The following LSAMP variants were observed in gnomAD, a reference collection of about 807,000 sequenced individuals.
LSAMP encodes the protein limbic system associated membrane protein, also known as limbic system-associated membrane protein.
LSAMP carries 7 observed loss-of-function variants against 38.6 expected under a neutral mutation model. The ratio of observed to expected loss-of-function variants is 0.18; its 90% CI spans 0.10 to 0.34. The LOEUF (loss-of-function observed/expected upper bound fraction) is 0.34. Among genes scored for constraint, LSAMP ranks in the 10% least tolerant of loss-of-function variants. The pLI is 1.00. For missense variants in LSAMP, 313 were observed against 420.0 expected, an observed-to-expected ratio of 0.75 and a Z score of 2.23; for synonymous variants, 154 against 166.8, an observed-to-expected ratio of 0.92 and a Z score of 0.59.
At chr3:116,386,383 C>T (rs2048626938) in intron 1 of LSAMP, among the ~76,000 whole-genome samples, 1 of 152,134 alleles carries the variant, frequency 6.6e-6, no homozygotes, top group Admixed American at 6.5e-5. Context: ...ATTCAAGGTA[C>T]CCCACCATCT....
At chr3:116,173,875 TCA>T (rs1710270937) in intron 1 of LSAMP, among the ~76,000 whole-genome samples, 1 of 151,872 alleles carries the variant, frequency 6.6e-6, no homozygotes, top group Admixed American at 6.6e-5. Context: ...AAGATGCATT[TCA>T]CACAGTTACC....
chr3:116,285,540 T>TC (rs1346276303), intron 1 of LSAMP, among the ~76,000 whole-genome samples: 1 of 91,016 alleles, frequency 1.1e-5, no homozygotes, highest in Non-Finnish European at 1.9e-5. Context: ...GAAATGTGTA[T>TC]TTTTTTTTTT....
intron 1 of LSAMP, among the ~76,000 whole-genome samples, chr3:116,359,826 CT>C (rs1247951537): frequency 6.6e-6 from 1 of 152,028 alleles, no homozygotes; most frequent in Non-Finnish European, 1.5e-5. Flanking sequence ...TCAAAAATAA[CT>C]CAAGATGGAT....
At chr3:115,983,580 G>T (rs1164303480) in intron 3 of LSAMP, among the ~76,000 whole-genome samples, 14 of 151,966 alleles carry the variant, frequency 9.2e-5, no homozygotes, top group Admixed American at 7.9e-4. Flanking sequence ...TCTAGTTTTT[G>T]GTTTTATGTT....
At chr3:116,271,168 T>C (rs2046966987) in intron 1 of LSAMP, among the ~76,000 whole-genome samples, 1 of 152,088 alleles carries the variant, frequency 6.6e-6, no homozygotes, top group South Asian at 2.1e-4. Flanking sequence ...AATTCAGCTA[T>C]TTCATATGCA....
intron 1 of LSAMP, among the ~76,000 whole-genome samples, chr3:116,123,707 A>G (rs1438514085): frequency 6.6e-6 from 1 of 152,202 alleles, no homozygotes; most frequent in East Asian, 1.9e-4. Flanking sequence ...TTAAGAAGTC[A>G]CTATCTGCTT....
In LSAMP at chr3:116,251,796, C is replaced by A. The variant is rs150794234; in HGVS notation, c.156-165240G>T. Among the ~76,000 whole-genome samples the A allele has an allele frequency of 6.0e-3, 919 of 152,224 alleles. 5 individuals carry two copies. The highest frequency in any genetic ancestry group is 0.021 in the African/African-American group (879 of 41,544). ...GAAAAACTTGCTTTTCTTACACAAG[C>A]CAAAATTCAGTTATGTAGCTCTTAA... On this transcript the variant is annotated intron_variant, in intron 1 of 6. Transcript: ENST00000490035.
At chr3:116,338,497 A>G (rs1280904412) in intron 1 of LSAMP, among the ~76,000 whole-genome samples, 1 of 152,010 alleles carries the variant, frequency 6.6e-6, no homozygotes. Context: ...ATCTGTTTGT[A>G]AAATTCATAA....
At chr3:115,901,954 C>T (rs13069990) in intron 3 of LSAMP, among the ~76,000 whole-genome samples, 65,329 of 151,708 alleles carry the variant, frequency 0.43, 14,517 homozygotes, top group African/African-American at 0.55. Flanking sequence ...TGCAATTACA[C>T]TAGCAATCAA....
chr3:115,906,136 C>T (rs551994988), intron 3 of LSAMP, among the ~76,000 whole-genome samples: 3 of 152,080 alleles, frequency 2.0e-5, no homozygotes, highest in East Asian at 1.9e-4. Context: ...GTTACCAGCC[C>T]GAGGAATTTC....
At chr3:116,238,316 T>C (rs887352889) in intron 1 of LSAMP, among the ~76,000 whole-genome samples, 3 of 152,360 alleles carry the variant, frequency 2.0e-5, no homozygotes, top group African/African-American at 7.2e-5. Flanking sequence ...AGTCATTTCA[T>C]AATATTTTGA....
chr3:116,195,295 T>C (rs1041469991), intron 1 of LSAMP, among the ~76,000 whole-genome samples: 1 of 152,240 alleles, frequency 6.6e-6, no homozygotes, highest in African/African-American at 2.4e-5. Context: ...TTGAATGTTC[T>C]TTATTTTAAA....
In LSAMP at chr3:115,810,228, T is replaced by G; in HGVS notation, c.*89A>C. ...AAATAAACGGTCTCCCCCATCTCTC[T>G]CTCTCTCTCTCTCTCTGTCTCTCTC... On this transcript the variant is annotated 3_prime_UTR_variant, in exon 7 of 7. Transcript: ENST00000490035. The G allele has an allele frequency of 2.2e-6, 2 of 894,768 alleles. No individual in the cohort carries two copies. The highest frequency in any genetic ancestry group is 3.4e-6 in the Non-Finnish European group (2 of 588,130). The allele number at this position is 894,768 out of a possible 1,614,324, so 55.4% of individuals were successfully genotyped here.
intron 1 of LSAMP, among the ~76,000 whole-genome samples, chr3:116,302,573 G>T (rs563648322): frequency 1.3e-5 from 2 of 152,300 alleles, no homozygotes; most frequent in East Asian, 3.9e-4. Flanking sequence ...GTAGACTGTT[G>T]TTGAATAAAT....
chr3:116,083,986 G>A (rs934022118), intron 2 of LSAMP, among the ~76,000 whole-genome samples: 1 of 152,104 alleles, frequency 6.6e-6, no homozygotes, highest in Non-Finnish European at 1.5e-5. Flanking sequence ...TATCCCCCTT[G>A]TAAGTACAAG....
chr3:116,060,168 C>G (rs1251810061), intron 2 of LSAMP, among the ~76,000 whole-genome samples: 1 of 151,076 alleles, frequency 6.6e-6, no homozygotes, highest in Admixed American at 6.6e-5. Context: ...CCTCTTCCCC[C>G]TCTCTTGCCT....
chr3:116,126,123 A>C (rs1183932964), intron 1 of LSAMP, among the ~76,000 whole-genome samples: 1 of 152,240 alleles, frequency 6.6e-6, no homozygotes, highest in African/African-American at 2.4e-5. Flanking sequence ...AAAGCTTCTA[A>C]ACTTTTGTCT....
At chr3:116,049,341 C>T (rs1284290792) in intron 2 of LSAMP, among the ~76,000 whole-genome samples, 1 of 152,210 alleles carries the variant, frequency 6.6e-6, no homozygotes, top group Non-Finnish European at 1.5e-5. Context: ...CATTCATCTT[C>T]AGTAGTCTCT....
At chr3:116,047,361 TA>T (rs1384857129) in intron 2 of LSAMP, among the ~76,000 whole-genome samples, 8 of 128,630 alleles carry the variant, frequency 6.2e-5, no homozygotes, top group Non-Finnish European at 1.3e-4. Flanking sequence ...TTTCTTAAAA[TA>T]CGAATCTAGT....
Sources: gnomAD v4.1 joint callset for allele counts (sites outside exome capture counted in the v4.1 genomes callset) on GRCh38, gnomAD v4.1.1 for gene constraint, MANE v1.5 for transcripts, NCBI Gene and HGNC (gene_info 2026-07-23, HGNC 2026-07-21) for gene names.